EIF3H: variants seen among roughly 807,000 people sequenced by gnomAD.
EIF3H encodes eIF-3-gamma.
EIF3H carries 26 observed loss-of-function variants against 44.2 expected under a neutral mutation model. The ratio of observed to expected loss-of-function variants is 0.59; its 90% CI spans 0.43 to 0.82. The LOEUF is 0.82. EIF3H is among the 40% of genes least tolerant of loss of function. EIF3H has a pLI of 0.00. For synonymous variants in EIF3H, 166 were observed against 151.9 expected (o/e 1.09, Z -0.68); for missense variants, 359 against 432.8 (o/e 0.83, Z 1.51).
intron 2 of EIF3H, among the ~76,000 whole-genome samples, chr8:116,671,375 T>C (rs932771786): frequency 2.0e-5 from 3 of 152,194 alleles, no homozygotes; most frequent in Non-Finnish European, 4.4e-5. Context: ...CTGCAATGTT[T>C]CAAAGCATCT....
intron 2 of EIF3H, among the ~76,000 whole-genome samples, chr8:116,687,288 G>T (rs1362044518): frequency 6.6e-6 from 1 of 152,136 alleles, no homozygotes; most frequent in East Asian, 1.9e-4. Context: ...AAAATTCCAG[G>T]AAGAATTTTA....
At chr8:116,696,078 C>A (rs1233565266) in intron 2 of EIF3H, among the ~76,000 whole-genome samples, 1 of 152,148 alleles carries the variant, frequency 6.6e-6, no homozygotes, top group Non-Finnish European at 1.5e-5. Flanking sequence ...GTAGTAATAT[C>A]CCAAGAGCAA....
chr8:116,727,520 T>C (rs1196874989), intron 1 of EIF3H, among the ~76,000 whole-genome samples: 1 of 152,238 alleles, frequency 6.6e-6, no homozygotes, highest in Non-Finnish European at 1.5e-5. Context: ...ATTTCCCATC[T>C]TGTACAACCC....
At chr8:116,761,300 T>C (rs1013511335) in intron 1 of EIF3H, among the ~76,000 whole-genome samples, 1 of 152,070 alleles carries the variant, frequency 6.6e-6, no homozygotes, top group African/African-American at 2.4e-5. Context: ...TCTCTTGAGG[T>C]CAGGAGTTTG....
At chr8:116,740,228 ACTT>A (rs1287460148) in intron 1 of EIF3H, among the ~76,000 whole-genome samples, 1 of 152,180 alleles carries the variant, frequency 6.6e-6, no homozygotes. Context: ...AGAAGCAAAC[ACTT>A]CTTAATTTAT....
chr8:116,707,237 A>G (rs567832623), intron 2 of EIF3H, among the ~76,000 whole-genome samples: 3 of 152,330 alleles, frequency 2.0e-5, no homozygotes, highest in Admixed American at 6.5e-5. Context: ...ATATCAGTCC[A>G]CATACGTATT....
chr8:116,689,389 C>A (rs1349188188), intron 2 of EIF3H, among the ~76,000 whole-genome samples: 2 of 152,012 alleles, frequency 1.3e-5, no homozygotes, highest in Non-Finnish European at 2.9e-5. Flanking sequence ...ACACTTTAAA[C>A]GGGTGAACTA....
chr8:116,675,641 A>C (rs1813836841), intron 2 of EIF3H, among the ~76,000 whole-genome samples: 1 of 152,196 alleles, frequency 6.6e-6, no homozygotes, highest in South Asian at 2.1e-4. Flanking sequence ...GTCAAATAAA[A>C]CAGTGCTATG....
intron 2 of EIF3H, among the ~76,000 whole-genome samples, chr8:116,673,518 G>A (rs951985296): frequency 6.7e-6 from 1 of 150,254 alleles, no homozygotes; most frequent in African/African-American, 2.5e-5. Context: ...TTAAAAAACT[G>A]TGATATTTTT....
intron 2 of EIF3H, among the ~76,000 whole-genome samples, chr8:116,681,315 T>A (rs1235633615): frequency 6.6e-6 from 1 of 151,948 alleles, no homozygotes; most frequent in Non-Finnish European, 1.5e-5. Context: ...TGAGCCGAGA[T>A]CAGGCCACTA....
rs1295412574 is a variant in EIF3H at position 116,680,191 on chromosome 8, G to A, written c.290-21211C>T. Among the ~76,000 whole-genome samples, 6 of 31,554 alleles carry A rather than the reference G, an allele frequency of 1.9e-4. 1 individual carries two copies. Among genetic ancestry groups the A allele is most frequent in the Admixed American group, 9.5e-4 (4 of 4,196 alleles). The allele number at this position is 31,554 out of a possible 152,430, so 20.7% of individuals were successfully genotyped here. On this transcript the variant is annotated intron_variant, in intron 2 of 7. Transcript: ENST00000521861. Reference sequence around the variant, plus strand: ...CTCTGCCTGGCCAGCCGCCCCTTCCGGGAGGGTGGGGGGGGGGGTCAGCCC... The same window carrying A: ...CTCTGCCTGGCCAGCCGCCCCTTCCAGGAGGGTGGGGGGGGGGGTCAGCCC...
At chr8:116,664,491 A>T (rs1281639672) in intron 2 of EIF3H, among the ~76,000 whole-genome samples, 1 of 152,264 alleles carries the variant, frequency 6.6e-6, no homozygotes, top group Non-Finnish European at 1.5e-5. Context: ...ATAACGAAAC[A>T]GCATTCTTCT....
chr8:116,666,753 C>CAAAAAAAAAAAA lies in EIF3H; in HGVS notation c.290-7785_290-7774dup, dbSNP rs56700266. Among the ~76,000 whole-genome samples, 77 of 71,444 alleles carry CAAAAAAAAAAAA rather than the reference C, an allele frequency of 1.1e-3. 5 individuals are homozygous for CAAAAAAAAAAAA. Among genetic ancestry groups the CAAAAAAAAAAAA allele is most frequent in the African/African-American group, 5.1e-3 (74 of 14,600 alleles). The allele number at this position is 71,444 out of a possible 152,430, so 46.9% of individuals were successfully genotyped here. A position where few individuals can be genotyped will look rare whatever the true frequency, so the allele number is the denominator to read the frequency against. On this transcript the variant is annotated intron_variant, in intron 2 of 7. Coordinates refer to ENST00000521861, the MANE Select transcript of EIF3H (RefSeq NM_003756.3). ...CCAAATGAGAATCTTTAGTGTTAGG[C>CAAAAAAAAAAAA]AAAAAAAAAAAAAAAAAAAAAAATT...
upstream of EIF3H, among the ~76,000 whole-genome samples, chr8:116,758,842 A>T (rs1243385908): frequency 6.6e-6 from 1 of 152,242 alleles, no homozygotes; most frequent in Admixed American, 6.5e-5. Flanking sequence ...TGAAAATATA[A>T]AATATTAAAA....
intron 2 of EIF3H, among the ~76,000 whole-genome samples, chr8:116,671,677 C>A (rs1057400848): frequency 6.6e-6 from 1 of 152,174 alleles, no homozygotes; most frequent in East Asian, 1.9e-4. Context: ...GAGGAGCAGA[C>A]AGGGCACACA....
intron 4 of EIF3H, among the ~76,000 whole-genome samples, chr8:116,656,400 TAA>T (rs1260189543): frequency 6.6e-6 from 1 of 152,210 alleles, no homozygotes; most frequent in African/African-American, 2.4e-5. Flanking sequence ...AAAGTTCATT[TAA>T]AAAGCCTCTT....
At chr8:116,659,735 A>AT (rs1209184639) in intron 2 of EIF3H, among the ~76,000 whole-genome samples, 2 of 152,226 alleles carry the variant, frequency 1.3e-5, no homozygotes, top group Non-Finnish European at 2.9e-5. Flanking sequence ...TGTATACTAT[A>AT]TTAAAGCAGT....
chr8:116,728,117 G>C (rs899147813), intron 1 of EIF3H, among the ~76,000 whole-genome samples: 4 of 152,062 alleles, frequency 2.6e-5, no homozygotes, highest in African/African-American at 9.7e-5. Context: ...TCTGTGTACT[G>C]ATCATCAACA....
rs112615168 is a variant in EIF3H, at chr8:116,722,277, G to A, written c.289+3739C>T. On this transcript the variant is annotated intron_variant, in intron 2 of 7. Coordinates refer to ENST00000521861, the MANE Select transcript of EIF3H (RefSeq NM_003756.3). ...TTTCTTGCCTGCCACCAAGTAAGAC[G>A]TGCCTTTCACCTTCCACCATGATTG... Among the ~76,000 whole-genome samples, 17 of 152,264 alleles carry A rather than the reference G, an allele frequency of 1.1e-4. No individual in the cohort carries two copies. The East Asian group carries it at 1.2e-3, about 10-fold the overall frequency.
Sources: gnomAD v4.1 joint callset for allele counts (sites outside exome capture counted in the v4.1 genomes callset) on GRCh38, gnomAD v4.1.1 for gene constraint, MANE v1.5 for transcripts, NCBI Gene and HGNC (gene_info 2026-07-23, HGNC 2026-07-21) for gene names.